The following CHLSN variants were observed in gnomAD, a reference collection of about 807,000 sequenced individuals.
The protein encoded by CHLSN is protein cholesin.
chr7:1,115,147 T>C, the CHLSN span, among the ~76,000 whole-genome samples: 1 of 152,230 alleles, frequency 6.6e-6, no homozygotes, highest in Non-Finnish European at 1.5e-5. Flanking sequence ...ATAAATAAGA[T>C]CCAAAAAGAT....
At chr7:1,016,440 C>T in the CHLSN span, among the ~76,000 whole-genome samples, 3 of 130,472 alleles carry the variant, frequency 2.3e-5, no homozygotes, top group Admixed American at 7.8e-5. Context: ...CAGCAGCGCA[C>T]GCCAGCACAC....
chr7:1,110,557 C>T, the CHLSN span, among the ~76,000 whole-genome samples: 1 of 152,202 alleles, frequency 6.6e-6, no homozygotes, highest in Non-Finnish European at 1.5e-5. Flanking sequence ...AGAGCGGGAG[C>T]GGGTGTCGGG....
At chr7:1,068,286 G>C in the CHLSN span, among the ~76,000 whole-genome samples, 1 of 152,122 alleles carries the variant, frequency 6.6e-6, no homozygotes, top group Non-Finnish European at 1.5e-5. Context: ...GAACCCAGGT[G>C]TCAGTCCTGG....
the CHLSN span, chr7:983,178 A>C: frequency 6.9e-7 from 1 of 1,448,952 alleles, no homozygotes; most frequent in Non-Finnish European, 9.2e-7. Flanking sequence ...GACGGGGCCC[A>C]GGAGGGGAGT....
At chr7:1,070,271 C>T in the CHLSN span, among the ~76,000 whole-genome samples, 1 of 145,744 alleles carries the variant, frequency 6.9e-6, no homozygotes, top group South Asian at 2.2e-4. Context: ...GGGGTCAGCC[C>T]CCCGCCCGGC....
chr7:1,112,414 G>A, the CHLSN span, among the ~76,000 whole-genome samples: 6 of 152,202 alleles, frequency 3.9e-5, no homozygotes, highest in Non-Finnish European at 7.3e-5. Flanking sequence ...TCTGAGAGAC[G>A]CCTGGCAAGG....
the CHLSN span, among the ~76,000 whole-genome samples, chr7:1,103,699 C>A: frequency 1.3e-5 from 2 of 152,224 alleles, no homozygotes; most frequent in African/African-American, 4.8e-5. Flanking sequence ...AAACCAACAG[C>A]GACGTCCCCA....
the CHLSN span, among the ~76,000 whole-genome samples, chr7:1,083,918 C>T: frequency 3.4e-4 from 52 of 152,330 alleles, no homozygotes; most frequent in African/African-American, 1.2e-3. Flanking sequence ...CAACCTGGCG[C>T]GGAGCCACGG....
the CHLSN span, among the ~76,000 whole-genome samples, chr7:1,007,191 C>T: frequency 1.3e-5 from 2 of 152,178 alleles, no homozygotes; most frequent in African/African-American, 4.8e-5. Flanking sequence ...TCCGGGGTCT[C>T]CTCCACACAC....
At chr7:1,075,141 A>G in the CHLSN span, among the ~76,000 whole-genome samples, 4 of 152,186 alleles carry the variant, frequency 2.6e-5, no homozygotes, top group Non-Finnish European at 5.9e-5. Context: ...GCCTCACTGA[A>G]TTCTCCTGAG....
At chr7:1,089,628 AC>A in the CHLSN span, among the ~76,000 whole-genome samples, 1 of 149,404 alleles carries the variant, frequency 6.7e-6, no homozygotes, top group Non-Finnish European at 1.5e-5. Flanking sequence ...TCGCCATGTT[AC>A]CCAGGCTGGT....
the CHLSN span, chr7:985,391 G>C: frequency 3.3e-6 from 5 of 1,504,770 alleles, no homozygotes; most frequent in African/African-American, 2.8e-5. Context: ...GCAGGAGGAC[G>C]GGGGCCCCAG....
chr7:1,041,588 A>G, the CHLSN span, among the ~76,000 whole-genome samples: 2 of 152,190 alleles, frequency 1.3e-5, no homozygotes, highest in South Asian at 2.1e-4. Context: ...GCTCACTCTC[A>G]TTTTATCATC....
chr7:983,443 C>T, the CHLSN span: 7 of 1,369,106 alleles, frequency 5.1e-6, no homozygotes, highest in Middle Eastern at 2.7e-4. Flanking sequence ...GTCCTGGCCC[C>T]CCTCCTGGGG....
chr7:1,099,489 A>C, the CHLSN span, among the ~76,000 whole-genome samples: 1 of 152,256 alleles, frequency 6.6e-6, no homozygotes, highest in Non-Finnish European at 1.5e-5. Flanking sequence ...AAAGCTTCTA[A>C]TTAAAGCTTT....
chr7:1,100,445 C>G, the CHLSN span, among the ~76,000 whole-genome samples: 1 of 152,256 alleles, frequency 6.6e-6, no homozygotes, highest in Non-Finnish European at 1.5e-5. Context: ...CGGGACAGGT[C>G]TGAGCTCTGA....
chr7:990,888 G>A, the CHLSN span, among the ~76,000 whole-genome samples: 2 of 151,778 alleles, frequency 1.3e-5, no homozygotes, highest in African/African-American at 2.4e-5. Flanking sequence ...TCCAGGGCAG[G>A]GGCTGTGGAA....
chr7:987,602 G>A, the CHLSN span: 1 of 1,378,234 alleles, frequency 7.3e-7, no homozygotes, highest in Non-Finnish European at 9.6e-7. Context: ...AGGGGCACTG[G>A]GACGGCTGAG....
the CHLSN span, among the ~76,000 whole-genome samples, chr7:1,127,746 CGAT>C: frequency 4.6e-5 from 3 of 65,076 alleles, no homozygotes; most frequent in African/African-American, 1.3e-4. Context: ...TGCAGTGGCG[CGAT>C]CTCAGCTCAT....
Sources: allele counts gnomAD v4.1 joint callset (sites outside exome capture counted in the v4.1 genomes callset), GRCh38; gene constraint gnomAD v4.1.1; transcripts MANE v1.5; gene names NCBI Gene and HGNC (gene_info 2026-07-23, HGNC 2026-07-21).